SPAG1: variants seen among roughly 807,000 people sequenced by gnomAD.
The protein encoded by SPAG1 is sperm-associated antigen 1.
Under a neutral mutation model 100.5 loss-of-function variants are expected in SPAG1, and 69 were observed. That is an observed-to-expected ratio of 0.69 (90% confidence interval 0.57 to 0.84). SPAG1 has a LOEUF of 0.84. Ranked by LOEUF, SPAG1 falls within the 40% of genes least tolerant of loss-of-function variation. The probability of loss-of-function intolerance (pLI) is 0.00; values close to 1 mark genes in which losing one functional copy is unlikely to be tolerated. For missense variants in SPAG1, 955 were observed against 1,133.1 expected, an observed-to-expected ratio of 0.84 and a Z score of 2.26; for synonymous variants, 336 against 411.6, an observed-to-expected ratio of 0.82 and a Z score of 2.22.
chr8:100,170,724 T>C (rs759651049), intron 3 of SPAG1, among the ~76,000 whole-genome samples: 14 of 152,188 alleles, frequency 9.2e-5, no homozygotes, highest in Non-Finnish European at 2.1e-4. Context: ...AATGTTTTTG[T>C]AGATTCATTG....
In SPAG1 at chr8:100,183,950, T is replaced by C. The variant is rs775705015; in HGVS notation, c.489-6T>C. 1.4e-6 allele frequency: 2 copies of C among 1,434,462 alleles called. No individual in the cohort carries two copies. Among genetic ancestry groups the C allele is most frequent in the South Asian group, 1.3e-5 (1 of 77,612 alleles). The allele number at this position is 1,434,462 out of a possible 1,614,324, so 88.9% of individuals were successfully genotyped here. A position where few individuals can be genotyped will look rare whatever the true frequency, so the allele number is the denominator to read the frequency against. On this transcript the variant is annotated splice_polypyrimidine_tract_variant and splice_region_variant and intron_variant, in intron 5 of 18. Coordinates refer to ENST00000388798, the MANE Select transcript of SPAG1 (RefSeq NM_003114.5). ...TTTTTTGGTTTTTATTGTTCTTTCA[T>C]TTAAGATTTGACGTGGAGAAGGAAT...
At chr8:100,178,247 A>G (rs1816215965) in intron 4 of SPAG1, among the ~76,000 whole-genome samples, 1 of 151,728 alleles carries the variant, frequency 6.6e-6, no homozygotes, top group Non-Finnish European at 1.5e-5. Context: ...GATGAGAGCA[A>G]AAGGTCTGAT....
In SPAG1 at chr8:100,187,182, T is replaced by A; in HGVS notation, c.764T>A (p.Leu255Ter). ...YNNRAQAEIK[L>*]QNWNSAFQDC... ...AATCGAGCTCAAGCAGAAATCAAAT[T>A]ACAGAACTGGAATAGTGCTTTTCAG... Residue 255 changes from leucine to a stop codon, truncating the protein, a stop_gained, in exon 8 of 19, where the codon TTA becomes TAA. Transcript: ENST00000388798. LOFTEE classifies it high-confidence loss of function. 6.2e-7 allele frequency: 1 copy of A among 1,613,318 alleles called. No individual in the cohort carries two copies. The highest frequency in any genetic ancestry group is 8.5e-7 in the Non-Finnish European group (1 of 1,179,488).
chr8:100,213,566 G>C (rs1817837057), intron 11 of SPAG1, 138 bp downstream of exon 11: 2 of 748,370 alleles, frequency 2.7e-6, no homozygotes, highest in Admixed American at 4.2e-5. Flanking sequence ...AGGTGACTAA[G>C]AGCGCCGTGC....
intron 15 of SPAG1, among the ~76,000 whole-genome samples, chr8:100,231,764 C>T (rs1818778350): frequency 6.6e-6 from 1 of 152,148 alleles, no homozygotes; most frequent in Admixed American, 6.5e-5. Flanking sequence ...TCGAGACCAT[C>T]CTGGCTAACA....
intron 12 of SPAG1, among the ~76,000 whole-genome samples, chr8:100,218,784 C>T (rs904719410): frequency 6.6e-6 from 1 of 152,164 alleles, no homozygotes; most frequent in Non-Finnish European, 1.5e-5. Context: ...CTATGATATG[C>T]CAGAAGGGCT....
At chr8:100,161,992 T>C (rs769886465) in intron 1 of SPAG1, among the ~76,000 whole-genome samples, 5 of 152,202 alleles carry the variant, frequency 3.3e-5, no homozygotes, top group Non-Finnish European at 7.3e-5. Flanking sequence ...CATCTCGTTA[T>C]TGGGCCACAA....
At chr8:100,235,962 T>C (rs1453587100) in intron 16 of SPAG1, among the ~76,000 whole-genome samples, 1 of 152,190 alleles carries the variant, frequency 6.6e-6, no homozygotes, top group Non-Finnish European at 1.5e-5. Context: ...CTTAGTAGAT[T>C]TGGTAAATGA....
At chr8:100,172,188 A>T (rs776872333) in intron 3 of SPAG1, among the ~76,000 whole-genome samples, 1 of 151,868 alleles carries the variant, frequency 6.6e-6, no homozygotes, top group Non-Finnish European at 1.5e-5. Flanking sequence ...TTATTTTTTT[A>T]AATTTTTATG....
At chr8:100,205,724 G>A (rs1222920466) in intron 10 of SPAG1, among the ~76,000 whole-genome samples, 1 of 152,098 alleles carries the variant, frequency 6.6e-6, no homozygotes, top group Non-Finnish European at 1.5e-5. Context: ...AAAAGATGTA[G>A]GGATAGGGCT....
intron 9 of SPAG1, among the ~76,000 whole-genome samples, chr8:100,192,720 T>C (rs1356552158): frequency 2.0e-5 from 3 of 152,224 alleles, no homozygotes; most frequent in Non-Finnish European, 4.4e-5. Context: ...ATTTCCTTTT[T>C]GTAATGGTTA....
intron 1 of SPAG1, among the ~76,000 whole-genome samples, chr8:100,161,054 G>T (rs1166029319): frequency 6.6e-6 from 1 of 151,966 alleles, no homozygotes; most frequent in Non-Finnish European, 1.5e-5. Context: ...GAAGTACCTA[G>T]AAGGGCTGGG....
chr8:100,168,979 G>T (rs1292496405), intron 3 of SPAG1, among the ~76,000 whole-genome samples: 1 of 151,810 alleles, frequency 6.6e-6, no homozygotes, highest in Non-Finnish European at 1.5e-5. Flanking sequence ...GAGCCACCAC[G>T]CCCGGCCTCT....
chr8:100,233,674 C>A, intron 16 of SPAG1, 137 bp downstream of exon 16: 3 of 825,044 alleles, frequency 3.6e-6, no homozygotes, highest in East Asian at 3.0e-5. Context: ...CTAACCAGTT[C>A]TAAAACCTTG....
At chr8:100,171,469 G>C (rs1024007274) in intron 3 of SPAG1, among the ~76,000 whole-genome samples, 1 of 152,054 alleles carries the variant, frequency 6.6e-6, no homozygotes, top group Non-Finnish European at 1.5e-5. Flanking sequence ...GTATAGGCCT[G>C]GAGTTTTCTT....
At chr8:100,194,893 G>A (rs1457473833) in intron 10 of SPAG1, among the ~76,000 whole-genome samples, 25 of 152,144 alleles carry the variant, frequency 1.6e-4, no homozygotes, top group African/African-American at 2.4e-4. Flanking sequence ...TCAGCTGGGC[G>A]CGGTGGCTCA....
chr8:100,198,063 T>A (rs2132301408), intron 10 of SPAG1, among the ~76,000 whole-genome samples: 1 of 152,326 alleles, frequency 6.6e-6, no homozygotes, highest in East Asian at 1.9e-4. Context: ...GAGTTTGGTA[T>A]TTATTCCATC....
Position 100,191,550 on chromosome 8 carries a change from T to A in SPAG1, c.939+54T>A, listed in dbSNP as rs1045129466. 3.2e-6 allele frequency: 4 copies of A among 1,265,200 alleles called. No homozygotes were observed. The African/African-American group carries it at 5.9e-5, about 19-fold the overall frequency. The allele number at this position is 1,265,200 out of a possible 1,614,324, so 78.4% of individuals were successfully genotyped here. A position where few individuals can be genotyped will look rare whatever the true frequency, so the allele number is the denominator to read the frequency against. On this transcript the variant is annotated intron_variant, in intron 9 of 18. Coordinates refer to ENST00000388798, the MANE Select transcript of SPAG1 (RefSeq NM_003114.5). ...ATTCTGTAGTTGGCTGTTTCTGTATTTATTTTAAAGTGGTATCAATCTTGC... is the reference window on the plus strand; with the variant it reads ...ATTCTGTAGTTGGCTGTTTCTGTATATATTTTAAAGTGGTATCAATCTTGC...
chr8:100,165,198 T>C (rs554168748), intron 2 of SPAG1: 1 of 491,334 alleles, frequency 2.0e-6, no homozygotes, highest in African/African-American at 2.0e-5. Context: ...TGAAAGGTAA[T>C]TGTATGTTCC....
Sources: allele counts gnomAD v4.1 joint callset (sites outside exome capture counted in the v4.1 genomes callset), GRCh38; gene constraint gnomAD v4.1.1; transcripts MANE v1.5; gene names NCBI Gene and HGNC (gene_info 2026-07-23, HGNC 2026-07-21).